The following SPAG8 variants were observed in gnomAD, a reference collection of about 807,000 sequenced individuals.
SPAG8 encodes sperm associated antigen 8, also known as sperm-associated antigen 8.
A neutral mutation model predicts 45.3 loss-of-function variants in SPAG8; 36 were observed. The observed-to-expected ratio is 0.80, with a 90% confidence interval of 0.61 to 1.05. The LOEUF (loss-of-function observed/expected upper bound fraction) is 1.05. Ranked by LOEUF, SPAG8 falls within the 50% of genes least tolerant of loss-of-function variation. The probability of loss-of-function intolerance (pLI) is 0.00; values close to 1 mark genes in which losing one functional copy is unlikely to be tolerated. For missense variants in SPAG8, 573 were observed against 609.2 expected, an observed-to-expected ratio of 0.94 and a Z score of 0.63; for synonymous variants, 227 against 232.6, an observed-to-expected ratio of 0.98 and a Z score of 0.22.
downstream of SPAG8, chr9:35,807,934 C>T: frequency 1.9e-6 from 1 of 525,262 alleles, no homozygotes; most frequent in Non-Finnish European, 3.4e-6. Context: ...ATAATAGATT[C>T]GTTGTATGGA....
downstream of SPAG8, chr9:35,809,579 A>C: frequency 6.9e-7 from 1 of 1,457,264 alleles, no homozygotes; most frequent in Non-Finnish European, 9.6e-7. The surrounding 1 kb of genome is among the most constrained non-coding windows in gnomAD (Gnocchi z 4.1). Context: ...CCTACCTTAT[A>C]TGGAAGTTGT....
downstream of SPAG8, chr9:35,809,539 CA>C: frequency 6.2e-7 from 1 of 1,601,120 alleles, no homozygotes; most frequent in Non-Finnish European, 8.6e-7. This position sits in a 1 kb window ranked among gnomAD's most constrained non-coding sequence, Gnocchi z 4.1. Flanking sequence ...TGGACATTTT[CA>C]TATGCAATGG....
At position 35,811,288 on chromosome 9, in the gene SPAG8, G is replaced by C. The variant is rs529368542; in HGVS notation, c.758C>G (p.Pro253Arg). The C allele has an allele frequency of 6.2e-7, 1 of 1,613,852 alleles. No individual in the cohort carries two copies. Among genetic ancestry groups the C allele is most frequent in the African/African-American group, 1.3e-5 (1 of 74,912 alleles). ...PPWEFLQVLE[P>R]GARGLWKPPD... is the part of the protein sequence containing the mutation. Reference sequence around the variant, plus strand: ...GGGTTTCCATAGTCCTCGGGCACCCGGTTCTAAGACTTGCAAAAATTCCCA... The same window carrying C: ...GGGTTTCCATAGTCCTCGGGCACCCCGTTCTAAGACTTGCAAAAATTCCCA... The change falls in exon 2 of 7, where the codon CCG becomes CGG. Residue 253 changes from proline to arginine, a missense_variant. Pro to Arg is a moderately radical substitution (Grantham distance 103). Coordinates refer to ENST00000396638, the MANE Select transcript of SPAG8 (RefSeq NM_001039592.2).
rs776881602 is a variant in SPAG8 at position 35,810,606 on chromosome 9, C to T, written c.1085+31G>A. On this transcript the variant is annotated intron_variant, in intron 4 of 6. Transcript: ENST00000396638. ...ATTCTCACCCAATTTTTCTCCTCCC[C>T]ATCCCTCTTCCCCTTTACCCAATCC... The T allele has an allele frequency of 3.1e-6, 5 of 1,613,990 alleles. No homozygotes were observed. The African/African-American group carries it at 6.7e-5, about 22-fold the overall frequency.
chr9:35,811,179 T>C lies in SPAG8; in HGVS notation c.864+3A>G. ...AAAAGGGAGCAGGCCAAAACTTTAATACCTCTTCCTCCCAGTTGTAGAGGA... is the reference window on the plus strand; with the variant it reads ...AAAAGGGAGCAGGCCAAAACTTTAACACCTCTTCCTCCCAGTTGTAGAGGA... On this transcript the variant is annotated splice_donor_region_variant and intron_variant, in intron 2 of 6. Transcript: ENST00000396638. 1.3e-6 allele frequency: 2 copies of C among 1,560,030 alleles called. No individual in the cohort carries two copies. The highest frequency in any genetic ancestry group is 1.4e-5 in the African/African-American group (1 of 73,082).
chr9:35,810,415 G>T, intron 5 of SPAG8, 24 bp downstream of exon 5: 2 of 1,609,004 alleles, frequency 1.2e-6, no homozygotes, highest in South Asian at 2.2e-5. Flanking sequence ...TGCAAGTGGC[G>T]GGGGATGGGG....
rs755888651 is a variant in SPAG8 at position 35,811,858 on chromosome 9, G to C, written c.188C>G (p.Ala63Gly). Residue 63 changes from alanine (A) to glycine (G), a missense_variant, in exon 2 of 7, where the codon GCC (alanine) becomes GGC (glycine). By Grantham distance (60) the Ala-to-Gly change is moderately conservative. Coordinates refer to ENST00000396638, the MANE Select transcript of SPAG8 (RefSeq NM_001039592.2). Reference protein sequence around the residue: ...AAASAAAATAAFTTAKAAALS... With the variant: ...AAASAAAATAGFTTAKAAALS... ...TGCAGCTGCTTTGGCAGTGGTGAAG[G>C]CTGCAGTAGCTGCAGCAGCTGATGC... The C allele has an allele frequency of 3.7e-6, 6 of 1,611,120 alleles. No individual in the cohort carries two copies. The highest frequency in any genetic ancestry group is 3.4e-6 in the Non-Finnish European group (4 of 1,177,824).
chr9:35,808,216 A>G (rs143258253), downstream of SPAG8: 542 of 1,613,906 alleles, frequency 3.4e-4, no homozygotes, highest in South Asian at 5.3e-4. This position sits in a 1 kb window ranked among gnomAD's most constrained non-coding sequence, Gnocchi z 4.0. Context: ...CTTGCTTCCC[A>G]TTTCCTGATG....
At chr9:35,807,893 G>C (rs1034039291), downstream of SPAG8, among the ~76,000 whole-genome samples, 6 of 152,282 alleles carry the variant, frequency 3.9e-5, no homozygotes, top group Non-Finnish European at 2.9e-5. Context: ...GAATCTCCCT[G>C]AGCCTCAGTT....
rs756458893 is a variant in SPAG8, at chr9:35,812,118, C to G, written c.30G>C (p.Ser10=). 12 of 1,609,134 alleles carry G rather than the reference C, an allele frequency of 7.5e-6. No homozygotes were observed. The East Asian group carries it at 2.7e-4, about 36-fold the overall frequency. METNESTEG[S]RSRSRSLDIQ... Reference sequence around the variant, plus strand: ...GCGGCTCTCACCGCGACCGCGACCGCGATCCCTCCGTAGACTCGTTGGTCT... The same window carrying G: ...GCGGCTCTCACCGCGACCGCGACCGGGATCCCTCCGTAGACTCGTTGGTCT... Residue 10 remains serine, a synonymous_variant, in exon 1 of 7, where the codon TCG becomes TCC. Coordinates refer to ENST00000396638, the MANE Select transcript of SPAG8 (RefSeq NM_001039592.2).
rs1183366600 is a variant in SPAG8, at chr9:35,811,897, G to C, written c.149C>G (p.Ala50Gly). Residue 50 changes from alanine to glycine, a missense_variant, in exon 2 of 7, where the codon GCA (alanine) becomes GGA (glycine). Ala to Gly is a moderately conservative substitution (Grantham distance 60). Coordinates refer to ENST00000396638, the MANE Select transcript of SPAG8 (RefSeq NM_001039592.2). The part of the protein sequence containing the change: ...PRSALAAATA[A>G]AAAAASAAAA... The stretch of plus-strand genomic sequence containing the variant: ...AGCAGCTGATGCAGCCGCTGCAGCT[G>C]CTGCGGTTGCAGCTGCCAGGGCCGA... 1 of 1,609,998 alleles carries C rather than the reference G, an allele frequency of 6.2e-7. No homozygotes were observed. Among genetic ancestry groups the C allele is most frequent in the Non-Finnish European group, 8.5e-7 (1 of 1,177,166 alleles).
downstream of SPAG8, chr9:35,807,965 C>T: frequency 1.7e-6 from 1 of 571,954 alleles, no homozygotes; most frequent in South Asian, 2.1e-5. Context: ...CATTGTTTGG[C>T]ATGTGGCAGA....
chr9:35,812,031 CA>C, intron 1 of SPAG8, 30 bp from the exon 2 acceptor site: 1 of 1,608,336 alleles, frequency 6.2e-7, no homozygotes, highest in Non-Finnish European at 8.5e-7. Context: ...ACATGGCTGT[CA>C]AAAGCGCAGC....
chr9:35,809,774 T>C, downstream of SPAG8: 1 of 1,536,348 alleles, frequency 6.5e-7, no homozygotes, highest in Non-Finnish European at 8.8e-7. This position sits in a 1 kb window ranked among gnomAD's most constrained non-coding sequence, Gnocchi z 4.1. Flanking sequence ...TTATGGGGTA[T>C]GCACACAGTG....
chr9:35,808,136 G>C, downstream of SPAG8: 1 of 1,461,996 alleles, frequency 6.8e-7, no homozygotes, highest in Non-Finnish European at 9.6e-7. This position sits in a 1 kb window ranked among gnomAD's most constrained non-coding sequence, Gnocchi z 4.0. Context: ...GACAGTTTGG[G>C]CTGTCAGGTC....
At chr9:35,810,608 T>A in intron 4 of SPAG8, 29 bp downstream of exon 4, 1 of 1,613,910 alleles carries the variant, frequency 6.2e-7, no homozygotes, top group Non-Finnish European at 8.5e-7. Flanking sequence ...CTCCTCCCCA[T>A]CCCTCTTCCC....
chr9:35,809,186 A>C (rs1349163835), downstream of SPAG8: 21 of 1,613,980 alleles, frequency 1.3e-5, no homozygotes, highest in Non-Finnish European at 1.8e-5. The surrounding 1 kb of genome is among the most constrained non-coding windows in gnomAD (Gnocchi z 4.1). Flanking sequence ...TCTACCACCA[A>C]GGATGCCCTA....
chr9:35,810,489 G>A lies in SPAG8; in HGVS notation c.1150C>T (p.His384Tyr). Residue 384 changes from histidine to tyrosine, a missense_variant, in exon 5 of 7, where the codon CAT becomes TAT. His to Tyr is a moderately conservative substitution (Grantham distance 83). Transcript: ENST00000396638. Reference protein sequence around the residue: ...KLFEVESVTHHDYRMELAQAG... With the variant: ...KLFEVESVTHYDYRMELAQAG... Reference sequence around the variant, plus strand: ...TGTGCCAGCTCCATTCGGTAGTCATGGTGTGTCACAGACTCAACCTCGAAG... The same window carrying A: ...TGTGCCAGCTCCATTCGGTAGTCATAGTGTGTCACAGACTCAACCTCGAAG... The A allele has an allele frequency of 6.2e-7, 1 of 1,614,188 alleles. No homozygotes were observed. The highest frequency in any genetic ancestry group is 8.5e-7 in the Non-Finnish European group (1 of 1,180,038).
In SPAG8 at chr9:35,809,821, G is replaced by A. The variant is rs1265555994; in HGVS notation, c.*117C>T. ...CACTAAATTAGCAGTCTTGGGATGAGAGAGAACCCTTTATGTAAAGCCTCT... is the reference window on the plus strand; with the variant it reads ...CACTAAATTAGCAGTCTTGGGATGAAAGAGAACCCTTTATGTAAAGCCTCT... On this transcript the variant is annotated 3_prime_UTR_variant, in exon 7 of 7. Coordinates refer to ENST00000396638, the MANE Select transcript of SPAG8 (RefSeq NM_001039592.2). The surrounding 1 kb of genome is among the most constrained non-coding windows in gnomAD (Gnocchi z 4.1). 4.5e-6 allele frequency: 7 copies of A among 1,542,214 alleles called. No individual in the cohort carries two copies. Among genetic ancestry groups the A allele is most frequent in the African/African-American group, 4.1e-5 (3 of 72,714 alleles).
Sources: gnomAD v4.1 joint callset for allele counts (sites outside exome capture counted in the v4.1 genomes callset) on GRCh38, gnomAD v4.1.1 for gene constraint, Gnocchi (gnomAD v3.1) non-coding constraint, MANE v1.5 for transcripts, NCBI Gene and HGNC (gene_info 2026-07-23, HGNC 2026-07-21) for gene names.